Variants in ASCC1 observed in about 807,000 individuals in gnomAD.
ASCC1 encodes the protein activating signal cointegrator 1 complex subunit 1.
ASCC1 carries 35 observed loss-of-function variants against 46.6 expected under a neutral mutation model. That is an observed-to-expected ratio of 0.75 (90% CI 0.57 to 0.99). The LOEUF (loss-of-function observed/expected upper bound fraction) is 0.99. Among genes scored for constraint, ASCC1 ranks in the 50% least tolerant of loss-of-function variants. The pLI is 0.00. For missense variants in ASCC1, 376 were observed against 428.7 expected (o/e 0.88, Z 1.09); for synonymous variants, 143 against 146.6 (o/e 0.98, Z 0.18).
chr10:72,117,900 C>G (rs1843682619), intron 9 of ASCC1, among the ~76,000 whole-genome samples: 1 of 152,118 alleles, frequency 6.6e-6, no homozygotes, highest in Non-Finnish European at 1.5e-5. Flanking sequence ...TTAAAAAAGG[C>G]ACAAGAGCCA....
intron 9 of ASCC1, among the ~76,000 whole-genome samples, chr10:72,115,314 A>G (rs1364106857): frequency 1.3e-5 from 2 of 152,148 alleles, no homozygotes; most frequent in Non-Finnish European, 2.9e-5. Flanking sequence ...GGCACCTAAG[A>G]GGTCTCTGAA....
At chr10:72,172,009 T>G (rs999515094) in intron 5 of ASCC1, among the ~76,000 whole-genome samples, 3 of 152,200 alleles carry the variant, frequency 2.0e-5, no homozygotes, top group Admixed American at 2.0e-4. Flanking sequence ...AAGTCTAGGG[T>G]GCTGATAAGA....
intron 9 of ASCC1, among the ~76,000 whole-genome samples, chr10:72,109,488 C>G (rs773804053): frequency 1.3e-5 from 2 of 152,158 alleles, no homozygotes; most frequent in African/African-American, 2.4e-5. Context: ...CTCAAATGAG[C>G]ATTAGCCTGA....
chr10:72,160,884 C>A (rs924477138), intron 6 of ASCC1, among the ~76,000 whole-genome samples: 2 of 150,888 alleles, frequency 1.3e-5, no homozygotes, highest in Non-Finnish European at 2.9e-5. Context: ...GAGATCAAGA[C>A]CATCCTGGCT....
intron 5 of ASCC1, among the ~76,000 whole-genome samples, chr10:72,176,074 T>C (rs962659434): frequency 3.3e-5 from 5 of 152,238 alleles, no homozygotes; most frequent in African/African-American, 1.2e-4. Flanking sequence ...ACTTATTAAC[T>C]CATTTACTCT....
intron 5 of ASCC1, among the ~76,000 whole-genome samples, chr10:72,166,403 G>C (rs531737374): frequency 6.6e-6 from 1 of 151,740 alleles, no homozygotes; most frequent in African/African-American, 2.4e-5. Context: ...AGGAGTTCAA[G>C]ACCAGCCTGG....
chr10:72,139,526 C>T (rs1373195543), intron 7 of ASCC1, among the ~76,000 whole-genome samples: 1 of 152,122 alleles, frequency 6.6e-6, no homozygotes, highest in Non-Finnish European at 1.5e-5. Context: ...TTAAATATAA[C>T]AGGGTTGCTA....
At chr10:72,184,212 A>C (rs746749333) in intron 5 of ASCC1, among the ~76,000 whole-genome samples, 5 of 151,818 alleles carry the variant, frequency 3.3e-5, no homozygotes, top group Non-Finnish European at 7.4e-5. Context: ...GATGAACAGA[A>C]ACAAACAAAA....
At chr10:72,199,335 T>C (rs1196626687) in intron 4 of ASCC1, among the ~76,000 whole-genome samples, 1 of 147,300 alleles carries the variant, frequency 6.8e-6, no homozygotes, top group Non-Finnish European at 1.5e-5. Context: ...TCTCACTCTG[T>C]TTCCCAGGCT....
At chr10:72,102,297 G>A (rs565879750) in intron 9 of ASCC1, 4 of 1,529,998 alleles carry the variant, frequency 2.6e-6, no homozygotes, top group Non-Finnish European at 3.5e-6. Flanking sequence ...AAAACAACAA[G>A]TTCAGGTGTG....
chr10:72,104,074 G>A (rs1302320316), intron 9 of ASCC1, among the ~76,000 whole-genome samples: 1 of 152,138 alleles, frequency 6.6e-6, no homozygotes, highest in Non-Finnish European at 1.5e-5. Context: ...ATGGGTGAGA[G>A]AAGAAATCTT....
At chr10:72,171,367 A>G (rs371851423) in intron 5 of ASCC1, among the ~76,000 whole-genome samples, 2 of 152,002 alleles carry the variant, frequency 1.3e-5, no homozygotes, top group South Asian at 4.1e-4. Context: ...TCAGAGTCAC[A>G]TCACTTCAAT....
Position 72,149,438 on chromosome 10 carries a change from A to C in ASCC1, c.746+3431T>G, listed in dbSNP as rs1048175157. Among the ~76,000 whole-genome samples, 22 of 35,972 alleles carry C rather than the reference A, an allele frequency of 6.1e-4. No individual in the cohort carries two copies. In the South Asian group the frequency reaches 0.02, roughly 32 times the overall value. 23.6% of individuals were successfully genotyped at this position (35,972 alleles called of 152,430 possible). ...GGGCGACAGAGCGAGACTCCGTCAC[A>C]AAAAAAAAAAAAAAAAAAAAAAAAA... On this transcript the variant is annotated intron_variant, in intron 7 of 9. Transcript: ENST00000672957.
intron 5 of ASCC1, among the ~76,000 whole-genome samples, chr10:72,187,131 G>A (rs561099339): frequency 3.9e-5 from 6 of 152,170 alleles, no homozygotes; most frequent in Middle Eastern, 3.4e-3. Flanking sequence ...AAACCTCAGC[G>A]TTCCTGATCT....
In ASCC1 at chr10:72,102,416, T is replaced by C. The variant is rs928919497; in HGVS notation, c.958-4966A>G. ...TGAGAATATGCATCAGAGACACCTGTAGCACAGTTAAGTGGAAACAGATCA... is the reference window on the plus strand; with the variant it reads ...TGAGAATATGCATCAGAGACACCTGCAGCACAGTTAAGTGGAAACAGATCA... On this transcript the variant is annotated intron_variant, in intron 9 of 9. Transcript: ENST00000672957. 2.1e-5 allele frequency: 32 copies of C among 1,548,872 alleles called. No individual in the cohort carries two copies. The African/African-American group carries it at 3.8e-4, about 19-fold the overall frequency.
chr10:72,204,478 G>T, intron 3 of ASCC1: 2 of 1,550,444 alleles, frequency 1.3e-6, no homozygotes, highest in Non-Finnish European at 1.7e-6. Flanking sequence ...GGAACCCACA[G>T]TCGTTTGATG....
intron 1 of ASCC1, 29 bp from the exon 2 acceptor site, chr10:72,213,360 T>TCTTAGTGAGAATTAAAA: frequency 7.9e-7 from 1 of 1,263,986 alleles, no homozygotes; most frequent in Non-Finnish European, 1.2e-6. Flanking sequence ...ATCTTACCTT[T>TCTTAGTGAGAATTAAAA]CTTAGTGAGA....
At chr10:72,118,366 C>CAAA (rs113494072) in intron 9 of ASCC1, among the ~76,000 whole-genome samples, 1 of 78,724 alleles carries the variant, frequency 1.3e-5, no homozygotes, top group African/African-American at 4.9e-5. Flanking sequence ...GACTCCATCT[C>CAAA]AAAAAAAAAA....
chr10:72,203,903 A>G lies in ASCC1; in HGVS notation c.213-379T>C, dbSNP rs191514689. 2.9e-3 allele frequency among the ~76,000 whole-genome samples: 441 copies of G among 152,284 alleles called. 3 individuals carry two copies. Among genetic ancestry groups the G allele is most frequent in the African/African-American group, 0.01 (418 of 41,574 alleles). ...AAGACTGAGGTGGGAGAACTGCTTG[A>G]GACCAGGAGTTTGAGACCAGCCTGG... On this transcript the variant is annotated intron_variant, in intron 3 of 9. Coordinates refer to ENST00000672957, the MANE Select transcript of ASCC1 (RefSeq NM_001198800.3).
Sources: allele counts gnomAD v4.1 joint callset (sites outside exome capture counted in the v4.1 genomes callset), GRCh38; gene constraint gnomAD v4.1.1; transcripts MANE v1.5; gene names NCBI Gene and HGNC (gene_info 2026-07-23, HGNC 2026-07-21).